The following LRRC36 variants were observed in gnomAD, a reference collection of about 807,000 sequenced individuals.
LRRC36 encodes leucine rich repeat containing 36, also known as leucine-rich repeat-containing protein 36.
In LRRC36, 62 loss-of-function variants were observed where a neutral mutation model predicts 81.1. That is an observed-to-expected ratio of 0.76 (90% CI 0.62 to 0.94). The LOEUF (loss-of-function observed/expected upper bound fraction) is 0.94. Among genes scored for constraint, LRRC36 ranks in the 40% least tolerant of loss-of-function variants. The probability of loss-of-function intolerance (pLI) is 0.00; values close to 1 mark genes in which losing one functional copy is unlikely to be tolerated. For missense variants in LRRC36, 761 were observed against 881.7 expected (o/e 0.86, Z 1.73); for synonymous variants, 334 against 348.6 (o/e 0.96, Z 0.47).
chr16:67,338,481 T>C (rs2037868072), intron 1 of LRRC36, among the ~76,000 whole-genome samples: 1 of 152,180 alleles, frequency 6.6e-6, no homozygotes, highest in South Asian at 2.1e-4. Context: ...TTTCATCAAA[T>C]TTTTTATATT....
intron 1 of LRRC36, among the ~76,000 whole-genome samples, chr16:67,340,670 A>C (rs2037991625): frequency 6.6e-6 from 1 of 151,738 alleles, no homozygotes; most frequent in Admixed American, 6.6e-5. Flanking sequence ...AAAATAGAAA[A>C]AAAAGTCTAG....
intron 2 of LRRC36, among the ~76,000 whole-genome samples, chr16:67,345,611 G>A (rs758657264): frequency 5.3e-5 from 8 of 152,152 alleles, no homozygotes; most frequent in African/African-American, 7.2e-5. Flanking sequence ...GGAAGCTTGC[G>A]TGGTAGCAGG....
At chr16:67,376,960 C>A in intron 11 of LRRC36, 88 bp downstream of exon 11, 1 of 1,383,270 alleles carries the variant, frequency 7.2e-7, no homozygotes, top group South Asian at 1.7e-5. Context: ...CCGTGAACAC[C>A]TAACCAAAAT....
In LRRC36 at chr16:67,376,736, G is replaced by T. The variant is rs1297334728; in HGVS notation, c.1670G>T (p.Arg557Leu). 2 of 1,611,346 alleles carry T rather than the reference G, an allele frequency of 1.2e-6. No homozygotes were observed. Among genetic ancestry groups the T allele is most frequent in the Admixed American group, 3.3e-5 (2 of 59,954 alleles). ...LLNKKFLGPA[R>L]DLLLSLVVPA... ...CCTGAATTTTTGGCAGGTCCTGCCCGAGATTTGCTTCTGTCTTTGGTAGTC... is the reference window on the plus strand; with the variant it reads ...CCTGAATTTTTGGCAGGTCCTGCCCTAGATTTGCTTCTGTCTTTGGTAGTC... Residue 557 changes from arginine to leucine, a missense_variant, in exon 11 of 14, where the codon CGA becomes CTA. Arg to Leu is a moderately radical substitution (Grantham distance 102). Coordinates refer to ENST00000329956, the MANE Select transcript of LRRC36 (RefSeq NM_018296.6).
At chr16:67,379,897 T>TTAC (rs2040048291) in intron 12 of LRRC36, among the ~76,000 whole-genome samples, 1 of 152,234 alleles carries the variant, frequency 6.6e-6, no homozygotes, top group African/African-American at 2.4e-5. Flanking sequence ...ATCCTAATGT[T>TTAC]ATTAATTTCA....
chr16:67,342,888 T>G (rs1420999150), intron 2 of LRRC36, among the ~76,000 whole-genome samples: 1 of 152,150 alleles, frequency 6.6e-6, no homozygotes, highest in Non-Finnish European at 1.5e-5. Context: ...TAGGGGATAT[T>G]TGTTCAACAA....
At position 67,346,337 on chromosome 16, in the gene LRRC36, C is replaced by T; in HGVS notation, c.280C>T (p.Gln94Ter). ...TTCATTAGTGGAAGTGTCCCGTCTA[C>T]AACCGTTACCCTTCCTCAAAGAACT... Reference protein sequence around the residue: ...IPSLVEVSRLQPLPFLKELDL... With the variant: ...IPSLVEVSRL Residue 94 changes from glutamine to a stop codon, truncating the protein, a stop_gained, in exon 3 of 14, where the codon CAA becomes TAA. Transcript: ENST00000329956. LOFTEE classifies it high-confidence loss of function. The T allele has an allele frequency of 6.2e-7, 1 of 1,612,386 alleles. No homozygotes were observed. The highest frequency in any genetic ancestry group is 2.2e-5 in the East Asian group (1 of 44,858).
At chr16:67,353,852 A>G (rs2038771466) in intron 5 of LRRC36, among the ~76,000 whole-genome samples, 1 of 152,216 alleles carries the variant, frequency 6.6e-6, no homozygotes, top group Non-Finnish European at 1.5e-5. Flanking sequence ...TCCATCTGTC[A>G]TCAAAGTCCT....
Position 67,371,236 on chromosome 16 carries a change from C to T in LRRC36, c.1488C>T (p.Gly496=). The T allele has an allele frequency of 6.2e-7, 1 of 1,614,148 alleles. No homozygotes were observed. The highest frequency in any genetic ancestry group is 1.1e-5 in the South Asian group (1 of 91,066). ...AGCATGGTTTCCAAGATGCTACAGG[C>T]AGCGAGGCAAGTGTTGGCTTGTTTG... ...NLKHGFQDAT[G]SEPLSSDLGS... The change falls in exon 9 of 14, where the codon GGC becomes GGT. Residue 496 remains glycine, a synonymous_variant. Coordinates refer to ENST00000329956, the MANE Select transcript of LRRC36 (RefSeq NM_018296.6).
rs377301583 is a variant in LRRC36 at position 67,371,153 on chromosome 16, A to C, written c.1405A>C (p.Ser469Arg). ...HRKIFTKRSL[S>R]PSKRGFKWKD... is the part of the protein sequence containing the mutation. ...AAAGATTTTTACCAAGAGGTCACTA[A>C]GCCCATCGAAGAGAGGATTCAAATG... Residue 469 changes from serine to arginine, a missense_variant, in exon 9 of 14, where the codon AGC becomes CGC. Ser to Arg is a moderately radical substitution (Grantham distance 110). Coordinates refer to ENST00000329956, the MANE Select transcript of LRRC36 (RefSeq NM_018296.6). 9.3e-6 allele frequency: 15 copies of C among 1,614,096 alleles called. No individual in the cohort carries two copies. Among genetic ancestry groups the C allele is most frequent in the Non-Finnish European group, 1.3e-5 (15 of 1,180,038 alleles).
At chr16:67,335,878 A>T (rs1383870905) in intron 1 of LRRC36, among the ~76,000 whole-genome samples, 1 of 152,004 alleles carries the variant, frequency 6.6e-6, no homozygotes, top group Admixed American at 6.6e-5. Context: ...GATTACGGGC[A>T]TGTGCCACTA....
At chr16:67,345,976 A>G (rs190195027) in intron 2 of LRRC36, among the ~76,000 whole-genome samples, 3 of 152,324 alleles carry the variant, frequency 2.0e-5, no homozygotes, top group Non-Finnish European at 4.4e-5. Flanking sequence ...TGGAGAGCCA[A>G]CAGAAGTGGA....
Position 67,326,935 on chromosome 16 carries a change from A to G in LRRC36, c.70+3A>G. On this transcript the variant is annotated splice_donor_region_variant and intron_variant, in intron 1 of 13. Coordinates refer to ENST00000329956, the MANE Select transcript of LRRC36 (RefSeq NM_018296.6). ...GGCGCTGACGCTGGAGCAGCCGGGT[A>G]GGGTCTGGCCGGGAGGGTGTGGACT... 6.7e-7 allele frequency: 1 copy of G among 1,499,286 alleles called. No homozygotes were observed. The highest frequency in any genetic ancestry group is 8.8e-7 in the Non-Finnish European group (1 of 1,135,508). The allele number at this position is 1,499,286 out of a possible 1,614,324, so 92.9% of individuals were successfully genotyped here.
At chr16:67,339,349 A>G (rs1453612742) in intron 1 of LRRC36, among the ~76,000 whole-genome samples, 2 of 151,846 alleles carry the variant, frequency 1.3e-5, no homozygotes. Context: ...ACCCCTGTAC[A>G]TGTCTCAGGG....
At chr16:67,371,515 A>G (rs949013814) in intron 9 of LRRC36, 1 of 467,708 alleles carries the variant, frequency 2.1e-6, no homozygotes, top group African/African-American at 2.0e-5. Flanking sequence ...TGTAGCATCT[A>G]TGTTTACAGT....
At chr16:67,381,230 GAAAAAAAAAA>G (rs1179228134) in intron 12 of LRRC36, among the ~76,000 whole-genome samples, 4 of 41,112 alleles carry the variant, frequency 9.7e-5, no homozygotes, top group East Asian at 1.9e-3. Context: ...CTCTGCCTCA[GAAAAAAAAAA>G]AAAAAAAAAA....
At chr16:67,373,994 T>C (rs1349797565) in intron 9 of LRRC36, among the ~76,000 whole-genome samples, 1 of 151,444 alleles carries the variant, frequency 6.6e-6, no homozygotes, top group Non-Finnish European at 1.5e-5. Flanking sequence ...GCCTGGGCAA[T>C]AGAGCAAGAC....
Position 67,371,155 on chromosome 16 carries a change from C to T in LRRC36, c.1407C>T (p.Ser469=). Residue 469 remains serine (S), a synonymous_variant, in exon 9 of 14, where the codon AGC becomes AGT. Coordinates refer to ENST00000329956, the MANE Select transcript of LRRC36 (RefSeq NM_018296.6). ...HRKIFTKRSL[S]PSKRGFKWKD... ...AGATTTTTACCAAGAGGTCACTAAGCCCATCGAAGAGAGGATTCAAATGGA... is the reference window on the plus strand; with the variant it reads ...AGATTTTTACCAAGAGGTCACTAAGTCCATCGAAGAGAGGATTCAAATGGA... The T allele has an allele frequency of 6.2e-7, 1 of 1,614,140 alleles. No individual in the cohort carries two copies. The highest frequency in any genetic ancestry group is 8.5e-7 in the Non-Finnish European group (1 of 1,179,992).
At chr16:67,378,232 A>ATTTTTTTTTT (rs1273856739) in intron 11 of LRRC36, among the ~76,000 whole-genome samples, 5 of 112,040 alleles carry the variant, frequency 4.5e-5, no homozygotes, top group African/African-American at 1.7e-4. Context: ...AGCATGTCAG[A>ATTTTTTTTTT]TTCTTTTTTT....
Sources: gnomAD v4.1 joint callset for allele counts (sites outside exome capture counted in the v4.1 genomes callset) on GRCh38, gnomAD v4.1.1 for gene constraint, MANE v1.5 for transcripts, NCBI Gene and HGNC (gene_info 2026-07-23, HGNC 2026-07-21) for gene names.